RASA1: variants seen among roughly 807,000 people sequenced by gnomAD.
The protein encoded by RASA1 is RAS p21 protein activator 1.
In RASA1, 25 loss-of-function variants were observed where a neutral mutation model predicts 132.2. That is an observed-to-expected ratio of 0.19 (90% confidence interval 0.14 to 0.26). RASA1 has a LOEUF of 0.26. Ranked by LOEUF, RASA1 falls within the 10% of genes least tolerant of loss-of-function variation. The pLI is 1.00. For missense variants in RASA1, 964 were observed against 1,299.2 expected, an observed-to-expected ratio of 0.74 and a Z score of 3.97; for synonymous variants, 477 against 449.9, an observed-to-expected ratio of 1.06 and a Z score of -0.76.
At chr5:87,286,091 C>T (rs1015394473) in intron 1 of RASA1, among the ~76,000 whole-genome samples, 1 of 151,810 alleles carries the variant, frequency 6.6e-6, no homozygotes, top group Non-Finnish European at 1.5e-5. Context: ...AAACCTCCAC[C>T]TCCCGCTTCA....
intron 1 of RASA1, among the ~76,000 whole-genome samples, chr5:87,317,157 A>G (rs2112322517): frequency 6.6e-6 from 1 of 152,316 alleles, no homozygotes; most frequent in East Asian, 1.9e-4. Context: ...TGCTGGGATT[A>G]CAGGTGTGAG....
chr5:87,340,672 A>T (rs888589875), intron 5 of RASA1, among the ~76,000 whole-genome samples: 1 of 152,186 alleles, frequency 6.6e-6, no homozygotes, highest in Admixed American at 6.5e-5. Context: ...GTTGATGTTC[A>T]CTTTTTACGG....
chr5:87,379,604 G>C, intron 18 of RASA1, 131 bp from the exon 19 acceptor site: 2 of 1,282,602 alleles, frequency 1.6e-6, no homozygotes, highest in African/African-American at 3.0e-5. Flanking sequence ...ATTATACAAA[G>C]AAAAAAGATC....
intron 1 of RASA1, among the ~76,000 whole-genome samples, chr5:87,308,434 G>A (rs934575058): frequency 6.6e-6 from 1 of 151,314 alleles, no homozygotes; most frequent in Non-Finnish European, 1.5e-5. Flanking sequence ...TTTATTTTTT[G>A]TGTTTTATTT....
chr5:87,339,993 T>G (rs1338865202), intron 5 of RASA1, among the ~76,000 whole-genome samples: 1 of 152,166 alleles, frequency 6.6e-6, no homozygotes, highest in East Asian at 1.9e-4. Flanking sequence ...CATTTATACT[T>G]TCATGTATTA....
At chr5:87,371,595 A>C (rs1405582809) in intron 12 of RASA1, among the ~76,000 whole-genome samples, 1 of 152,148 alleles carries the variant, frequency 6.6e-6, no homozygotes, top group Non-Finnish European at 1.5e-5. Flanking sequence ...AAGCTTAAAA[A>C]TAACCCAAAT....
chr5:87,357,603 G>A (rs1759748193), intron 9 of RASA1, among the ~76,000 whole-genome samples: 1 of 152,150 alleles, frequency 6.6e-6, no homozygotes, highest in South Asian at 2.1e-4. Context: ...TACTCTGGAG[G>A]CTGAGGCAGG....
At chr5:87,356,268 C>T (rs1237676406) in intron 9 of RASA1, among the ~76,000 whole-genome samples, 1 of 152,088 alleles carries the variant, frequency 6.6e-6, no homozygotes, top group Non-Finnish European at 1.5e-5. Flanking sequence ...GAAATTGCCA[C>T]AACCACCCCA....
At chr5:87,315,864 A>C (rs1378172797) in intron 1 of RASA1, among the ~76,000 whole-genome samples, 3 of 152,224 alleles carry the variant, frequency 2.0e-5, no homozygotes, top group African/African-American at 7.2e-5. Flanking sequence ...AGGTTTAAAA[A>C]GTTTAATTTC....
chr5:87,385,284 G>C lies in RASA1; in HGVS notation c.2759-17G>C. On this transcript the variant is annotated splice_polypyrimidine_tract_variant and intron_variant, in intron 21 of 24. Coordinates refer to ENST00000274376, the MANE Select transcript of RASA1 (RefSeq NM_002890.3). ...TGTTGGACTTGGTGTCATTAGCTGT[G>C]CCCAATTCTGTTACAGATTCTCCAT... 1 of 1,545,522 alleles carries C rather than the reference G, an allele frequency of 6.5e-7. No individual in the cohort carries two copies.
At chr5:87,276,395 T>TCTAAAA (rs1252412875) in intron 1 of RASA1, among the ~76,000 whole-genome samples, 1 of 152,216 alleles carries the variant, frequency 6.6e-6, no homozygotes, top group East Asian at 1.9e-4. Context: ...AAATTGTTGT[T>TCTAAAA]ATTAGATACA....
At chr5:87,332,466 G>C in intron 2 of RASA1, 41 bp from the exon 3 acceptor site, 2 of 1,558,958 alleles carry the variant, frequency 1.3e-6, no homozygotes, top group Non-Finnish European at 8.8e-7. Flanking sequence ...AAAATTGGCT[G>C]TAAAGATTTT....
intron 1 of RASA1, among the ~76,000 whole-genome samples, chr5:87,307,578 A>G (rs1315901555): frequency 6.6e-6 from 1 of 152,238 alleles, no homozygotes; most frequent in Non-Finnish European, 1.5e-5. Flanking sequence ...AAATTTTATC[A>G]TTAAATTCCA....
At chr5:87,308,083 TTC>T (rs1456275636) in intron 1 of RASA1, among the ~76,000 whole-genome samples, 1 of 152,092 alleles carries the variant, frequency 6.6e-6, no homozygotes, top group African/African-American at 2.4e-5. Context: ...TGTGGTTCAG[TTC>T]TCTGTTTCTT....
Position 87,268,330 on chromosome 5 carries a change from G to A in RASA1, c.-122G>A. The A allele has an allele frequency of 7.9e-7, 1 of 1,260,816 alleles. No homozygotes were observed. The highest frequency in any genetic ancestry group is 1.1e-6 in the Non-Finnish European group (1 of 942,602). The allele number at this position is 1,260,816 out of a possible 1,614,324, so 78.1% of individuals were successfully genotyped here. ...CGGCGGGCTCTCTCCTTTTGTTGTTGTTTCCTCAGCCTGGGGAGCTGAAGG... is the reference window on the plus strand; with the variant it reads ...CGGCGGGCTCTCTCCTTTTGTTGTTATTTCCTCAGCCTGGGGAGCTGAAGG... On this transcript the variant is annotated 5_prime_UTR_variant, in exon 1 of 25. Coordinates refer to ENST00000274376, the MANE Select transcript of RASA1 (RefSeq NM_002890.3).
intron 6 of RASA1, among the ~76,000 whole-genome samples, chr5:87,344,722 C>T (rs1050991732): frequency 7.1e-6 from 1 of 141,810 alleles, no homozygotes; most frequent in African/African-American, 2.6e-5. Flanking sequence ...TCTTACTATG[C>T]TGCCCAGACT....
rs537249777 is a variant in RASA1, at chr5:87,370,044, T to A, written c.1698+144T>A. On this transcript the variant is annotated intron_variant, in intron 12 of 24. Transcript: ENST00000274376. ...ATCTCTTATTTTAAGGAATGAGATT[T>A]CATATGTAAAAAGTTTTCTGAAAGA... The A allele has an allele frequency of 7.3e-5, 57 of 783,868 alleles. No homozygotes were observed. The South Asian group carries it at 1.0e-3, about 14-fold the overall frequency. The allele number at this position is 783,868 out of a possible 1,614,324, so 48.6% of individuals were successfully genotyped here.
Position 87,301,021 on chromosome 5 carries a change from C to T in RASA1, c.540-30327C>T, listed in dbSNP as rs145091745. On this transcript the variant is annotated intron_variant, in intron 1 of 24. Transcript: ENST00000274376. ...GTACCAACCACTTAGTCTTAGGCTG[C>T]TGAATGGGACATAAGTGAATTTTCA... Among the ~76,000 whole-genome samples, 404 of 152,250 alleles carry T rather than the reference C, an allele frequency of 2.7e-3. 5 individuals are homozygous for T. Among genetic ancestry groups the T allele is most frequent in the East Asian group, 8.3e-3 (43 of 5,176 alleles).
chr5:87,339,099 A>C (rs1446800564), intron 5 of RASA1, among the ~76,000 whole-genome samples: 1 of 152,154 alleles, frequency 6.6e-6, no homozygotes, highest in East Asian at 1.9e-4. Context: ...CTTCAAAGCT[A>C]CTGTTTTTAA....
Sources: allele counts gnomAD v4.1 joint callset (sites outside exome capture counted in the v4.1 genomes callset), GRCh38; gene constraint gnomAD v4.1.1; transcripts MANE v1.5; gene names NCBI Gene and HGNC (gene_info 2026-07-23, HGNC 2026-07-21).